CCDC102B: variants seen among roughly 807,000 people sequenced by gnomAD.
CCDC102B encodes the protein coiled-coil domain containing 102B.
In CCDC102B, 75 loss-of-function variants were observed where a neutral mutation model predicts 57.4. That is an observed-to-expected ratio of 1.31 (90% CI 1.08 to 1.58). The LOEUF is 1.58. Ranked by LOEUF, CCDC102B falls within the 40% of genes most tolerant of loss-of-function variation. CCDC102B has a pLI of 0.00. For synonymous variants in CCDC102B, 206 were observed against 201.9 expected (o/e 1.02, Z -0.17); for missense variants, 636 against 582.6 (o/e 1.09, Z -0.94).
chr18:69,017,451 T>C (rs1231118035), intron 7 of CCDC102B, among the ~76,000 whole-genome samples: 1 of 152,196 alleles, frequency 6.6e-6, no homozygotes, highest in African/African-American at 2.4e-5. Flanking sequence ...TGGAACTCTT[T>C]TTAAAAATTT....
intron 2 of CCDC102B, among the ~76,000 whole-genome samples, chr18:68,838,189 G>A (rs695141): frequency 0.96 from 145,662 of 152,224 alleles, 70,018 homozygotes; most frequent in East Asian, 1. Context: ...GTTTATTAAA[G>A]CGCCCCATTA....
chr18:68,799,235 G>A (rs879535153), intron 1 of CCDC102B, among the ~76,000 whole-genome samples: 4 of 152,010 alleles, frequency 2.6e-5, no homozygotes, highest in Non-Finnish European at 4.4e-5. Context: ...ATAAGTTAGC[G>A]ATACAATATC....
At chr18:68,765,322 AAG>A (rs1238892679) in intron 2 of CCDC102B, among the ~76,000 whole-genome samples, 2,295 of 52,796 alleles carry the variant, frequency 0.043, 24 homozygotes, top group African/African-American at 0.073. Context: ...GGAAGGAAGG[AAG>A]GAAAGAAAGA....
intron 1 of CCDC102B, among the ~76,000 whole-genome samples, chr18:68,799,875 A>G (rs2035783110): frequency 6.6e-6 from 1 of 152,164 alleles, no homozygotes; most frequent in Admixed American, 6.6e-5. Context: ...TAGAACAGGA[A>G]AAATTGATAG....
At chr18:68,818,891 A>G (rs2144732622) in intron 1 of CCDC102B, among the ~76,000 whole-genome samples, 1 of 152,242 alleles carries the variant, frequency 6.6e-6, no homozygotes, top group Admixed American at 6.5e-5. Flanking sequence ...AGAACTATCC[A>G]TGTGATTATT....
chr18:68,892,413 G>C (rs771867218), intron 5 of CCDC102B, among the ~76,000 whole-genome samples: 41 of 152,182 alleles, frequency 2.7e-4, no homozygotes, highest in Middle Eastern at 3.4e-3. Context: ...TTTCTCTTCT[G>C]CACCATCCCC....
At chr18:69,031,976 A>AT (rs67627256) in intron 7 of CCDC102B, among the ~76,000 whole-genome samples, 2,024 of 150,038 alleles carry the variant, frequency 0.013, 38 homozygotes, top group East Asian at 0.083. Flanking sequence ...TTTTTTTTAC[A>AT]TTTTTTTTTC....
At chr18:68,728,209 C>T (rs2032689380) in intron 2 of CCDC102B, among the ~76,000 whole-genome samples, 1 of 152,150 alleles carries the variant, frequency 6.6e-6, no homozygotes. Flanking sequence ...ATAGATTATT[C>T]TGCTTGCCAG....
chr18:68,793,388 G>C (rs548482441), upstream of CCDC102B, among the ~76,000 whole-genome samples: 2 of 152,012 alleles, frequency 1.3e-5, no homozygotes, highest in Non-Finnish European at 2.9e-5. Context: ...AAAGTTTGTC[G>C]ATGACAGGCA....
At chr18:68,971,731 G>A (rs955733724) in intron 6 of CCDC102B, among the ~76,000 whole-genome samples, 4 of 152,046 alleles carry the variant, frequency 2.6e-5, no homozygotes, top group Admixed American at 1.3e-4. Context: ...TTTGGAGTGA[G>A]GTTTCTCTTT....
intron 7 of CCDC102B, among the ~76,000 whole-genome samples, chr18:69,015,717 C>T (rs986537623): frequency 6.6e-6 from 1 of 152,056 alleles, no homozygotes; most frequent in Non-Finnish European, 1.5e-5. Context: ...CAAAGAATTT[C>T]TTTTTTGGAT....
chr18:68,820,415 T>C (rs2036647430), intron 1 of CCDC102B, among the ~76,000 whole-genome samples: 1 of 152,136 alleles, frequency 6.6e-6, no homozygotes, highest in Non-Finnish European at 1.5e-5. Context: ...AACTTCGTGA[T>C]ATATTAATTG....
At chr18:68,897,492 T>G in intron 6 of CCDC102B, 64 bp downstream of exon 6, 1 of 1,553,628 alleles carries the variant, frequency 6.4e-7, no homozygotes, top group Non-Finnish European at 8.8e-7. Context: ...ACGCAGAGTC[T>G]GTCTTCACTC....
At chr18:68,947,864 A>G (rs2049584539) in intron 6 of CCDC102B, among the ~76,000 whole-genome samples, 1 of 152,108 alleles carries the variant, frequency 6.6e-6, no homozygotes, top group Non-Finnish European at 1.5e-5. Flanking sequence ...CTTATTTTTA[A>G]TATGAAATGT....
At chr18:69,035,361 GT>G (rs2052261345) in intron 7 of CCDC102B, among the ~76,000 whole-genome samples, 1 of 151,948 alleles carries the variant, frequency 6.6e-6, no homozygotes, top group Non-Finnish European at 1.5e-5. Flanking sequence ...AAATTCAATG[GT>G]TTTTGTTGGA....
chr18:68,841,104 C>G (rs2037610453), intron 3 of CCDC102B, among the ~76,000 whole-genome samples: 1 of 152,182 alleles, frequency 6.6e-6, no homozygotes, highest in Non-Finnish European at 1.5e-5. Context: ...TTTTCTATCA[C>G]AAGAGAACAT....
At chr18:68,749,338 T>A (rs1191598457) in intron 2 of CCDC102B, among the ~76,000 whole-genome samples, 2 of 152,052 alleles carry the variant, frequency 1.3e-5, no homozygotes, top group East Asian at 1.9e-4. Context: ...TTGATGGGGA[T>A]GGCATTGAAT....
At chr18:68,874,830 G>C in intron 5 of CCDC102B, 45 bp downstream of exon 5, 1 of 1,216,166 alleles carries the variant, frequency 8.2e-7, no homozygotes, top group Non-Finnish European at 1.2e-6. Context: ...AAACATAACT[G>C]ACTGTTGTTA....
intron 2 of CCDC102B, among the ~76,000 whole-genome samples, chr18:68,780,131 C>T (rs2034957932): frequency 6.6e-6 from 1 of 152,024 alleles, no homozygotes; most frequent in African/African-American, 2.4e-5. Flanking sequence ...GTTTTTTTCA[C>T]TGACTTCTTT....
Sources: allele counts gnomAD v4.1 joint callset (sites outside exome capture counted in the v4.1 genomes callset), GRCh38; gene constraint gnomAD v4.1.1; transcripts MANE v1.5; gene names NCBI Gene and HGNC (gene_info 2026-07-23, HGNC 2026-07-21).